GSDMC: variants seen among roughly 807,000 people sequenced by gnomAD.
GSDMC encodes the protein gasdermin C.
In GSDMC, 59 loss-of-function variants were observed where a neutral mutation model predicts 58.0. The ratio of observed to expected loss-of-function variants is 1.02; its 90% CI spans 0.82 to 1.26. The LOEUF (loss-of-function observed/expected upper bound fraction) is 1.26, where lower values mean the gene tolerates loss of function less well. Among genes scored for constraint, GSDMC ranks in the 50% most tolerant of loss-of-function variants. GSDMC has a pLI of 0.00. For missense variants in GSDMC, 659 were observed against 598.5 expected, an observed-to-expected ratio of 1.10 and a Z score of -1.06; for synonymous variants, 241 against 220.2, an observed-to-expected ratio of 1.09 and a Z score of -0.83.
At chr8:129,773,070 T>C (rs1433333321) in intron 3 of GSDMC, among the ~76,000 whole-genome samples, 1 of 152,238 alleles carries the variant, frequency 6.6e-6, no homozygotes, top group Non-Finnish European at 1.5e-5. Flanking sequence ...TCATCATCCT[T>C]TCATGATAAA....
chr8:129,751,943 T>G, intron 8 of GSDMC, 52 bp from the exon 9 acceptor site: 1 of 1,566,276 alleles, frequency 6.4e-7, no homozygotes, highest in Non-Finnish European at 8.8e-7. Flanking sequence ...ACTAGATTTC[T>G]CCAACCTTCT....
At chr8:129,772,865 T>C (rs1322053828) in intron 3 of GSDMC, among the ~76,000 whole-genome samples, 1 of 152,180 alleles carries the variant, frequency 6.6e-6, no homozygotes, top group African/African-American at 2.4e-5. Flanking sequence ...CACAAGTCCT[T>C]AACAAAATTT....
chr8:129,749,388 ATTC>A (rs1230208398), intron 13 of GSDMC, 61 bp downstream of exon 13: 1 of 1,164,468 alleles, frequency 8.6e-7, no homozygotes, highest in Non-Finnish European at 1.3e-6. Context: ...CCTCAGAATC[ATTC>A]TTCTTACCTC....
At chr8:129,727,049 C>T in the GSDMC span, among the ~76,000 whole-genome samples, 2 of 150,462 alleles carry the variant, frequency 1.3e-5, no homozygotes, top group East Asian at 4.0e-4. Context: ...CATTTACGCA[C>T]ATGGCCCCTG....
the GSDMC span, chr8:129,730,033 G>C: frequency 1.6e-6 from 2 of 1,276,748 alleles, no homozygotes; most frequent in Non-Finnish European, 2.2e-6. Context: ...AGGATGAGAA[G>C]GAAAAGGAGT....
chr8:129,749,941 T>C lies in GSDMC; in HGVS notation c.1213+49A>G, dbSNP rs565013391. The C allele has an allele frequency of 1.4e-4, 212 of 1,513,554 alleles. 1 individual carries two copies. The South Asian group carries it at 2.6e-3, about 19-fold the overall frequency. The allele number at this position is 1,513,554 out of a possible 1,614,324, so 93.8% of individuals were successfully genotyped here. On this transcript the variant is annotated intron_variant, in intron 12 of 13. Transcript: ENST00000276708. Reference sequence around the variant, plus strand: ...ATCTAACACAGCTTTTTGCGGGTCCTGGGGACCAATCTTGTGATTCTCCCA... The same window carrying C: ...ATCTAACACAGCTTTTTGCGGGTCCCGGGGACCAATCTTGTGATTCTCCCA...
chr8:129,776,350 C>T lies in GSDMC; in HGVS notation c.221-65G>A, dbSNP rs527747602. On this transcript the variant is annotated intron_variant, in intron 2 of 13. Coordinates refer to ENST00000276708, the MANE Select transcript of GSDMC (RefSeq NM_031415.3). ...TCATTCAAGAATTCAAAGGTTTAGC[C>T]AAGAACAGCTGGTGTGCAAAATGAA... 5.4e-6 allele frequency: 7 copies of T among 1,291,430 alleles called. No individual in the cohort carries two copies. In the East Asian group the frequency reaches 1.7e-4, roughly 32 times the overall value. 80.0% of individuals were successfully genotyped at this position (1,291,430 alleles called of 1,614,324 possible).
At chr8:129,768,686 G>GA (rs767115240) in intron 3 of GSDMC, among the ~76,000 whole-genome samples, 8 of 152,204 alleles carry the variant, frequency 5.3e-5, no homozygotes, top group African/African-American at 1.9e-4. Flanking sequence ...AATGCAGAGT[G>GA]AAAAGAGATA....
the GSDMC span, among the ~76,000 whole-genome samples, chr8:129,713,247 G>A: frequency 6.6e-6 from 1 of 152,170 alleles, no homozygotes; most frequent in Non-Finnish European, 1.5e-5. Context: ...CCCTACAACA[G>A]CAAAGCCATC....
chr8:129,706,580 G>A, the GSDMC span: 2 of 152,166 alleles, frequency 1.3e-5, no homozygotes, highest in African/African-American at 2.4e-5. Context: ...AATGGAGCCA[G>A]GCACTTAGCA....
chr8:129,752,221 C>T, intron 7 of GSDMC, 74 bp from the exon 8 acceptor site: 2 of 1,169,728 alleles, frequency 1.7e-6, no homozygotes, highest in East Asian at 2.4e-5. Flanking sequence ...ACTTCTTTCC[C>T]TCTTGGTCTC....
At chr8:129,714,084 G>C in the GSDMC span, among the ~76,000 whole-genome samples, 10 of 152,306 alleles carry the variant, frequency 6.6e-5, no homozygotes, top group East Asian at 1.9e-3. Flanking sequence ...GGATGCTGCA[G>C]ACAGGGAGTG....
rs1023788010 is a variant in GSDMC at position 129,750,436 on chromosome 8, T to A, written c.1078A>T (p.Asn360Tyr). The change falls in exon 11 of 14, where the codon AAC (asparagine) becomes TAC (tyrosine). Residue 360 changes from asparagine (N) to tyrosine (Y), a missense_variant. Coordinates refer to ENST00000276708, the MANE Select transcript of GSDMC (RefSeq NM_031415.3). ...GCAACTGTGGAGCCCCTCACCATGT[T>A]CATCAGGTCCTGTAGAGCCCCTCTG... ...RDRGALQDLM[N>Y]MLELDSSGHL... is the part of the protein sequence containing the mutation. 3.7e-6 allele frequency: 6 copies of A among 1,613,188 alleles called. No individual in the cohort carries two copies. The African/African-American group carries it at 8.0e-5, about 22-fold the overall frequency.
At chr8:129,760,988 G>T (rs1286290526) in intron 5 of GSDMC, among the ~76,000 whole-genome samples, 1 of 152,196 alleles carries the variant, frequency 6.6e-6, no homozygotes, top group Non-Finnish European at 1.5e-5. Flanking sequence ...TAGAGTGCAA[G>T]TGTTCAACAG....
chr8:129,733,419 C>G, the GSDMC span, among the ~76,000 whole-genome samples: 1 of 152,224 alleles, frequency 6.6e-6, no homozygotes, highest in East Asian at 1.9e-4. Context: ...TAGGGGCCAA[C>G]TAACACCTCA....
At chr8:129,723,855 C>T in the GSDMC span, among the ~76,000 whole-genome samples, 4 of 152,172 alleles carry the variant, frequency 2.6e-5, no homozygotes, top group Admixed American at 2.6e-4. Context: ...CAATTTTTAA[C>T]TAAGCTGAAA....
At chr8:129,781,749 CA>C (rs60219315) in intron 1 of GSDMC, among the ~76,000 whole-genome samples, 2,055 of 128,858 alleles carry the variant, frequency 0.016, 50 homozygotes, top group African/African-American at 0.051. Flanking sequence ...GACTCCATCT[CA>C]AAAAAAAAAA....
At chr8:129,751,238 G>A (rs1008127305) in intron 10 of GSDMC, among the ~76,000 whole-genome samples, 2 of 152,090 alleles carry the variant, frequency 1.3e-5, no homozygotes, top group Non-Finnish European at 2.9e-5. Flanking sequence ...GATGCTGGGG[G>A]CCCTCTGTCT....
Position 129,748,432 on chromosome 8 carries a change from A to G in GSDMC, c.*69T>C, listed in dbSNP as rs1427425801. The G allele has an allele frequency of 1.3e-6, 2 of 1,496,492 alleles. No homozygotes were observed. Among genetic ancestry groups the G allele is most frequent in the Non-Finnish European group, 9.0e-7 (1 of 1,115,334 alleles). The allele number at this position is 1,496,492 out of a possible 1,614,324, so 92.7% of individuals were successfully genotyped here. A position where few individuals can be genotyped will look rare whatever the true frequency, so the allele number is the denominator to read the frequency against. ...AGGCACAGCCCTATCTCTTGCACCC[A>G]TAAGGACACTCACAGCATAGACTGG... On this transcript the variant is annotated 3_prime_UTR_variant, in exon 14 of 14. Transcript: ENST00000276708.
Sources: gnomAD v4.1 joint callset for allele counts (sites outside exome capture counted in the v4.1 genomes callset) on GRCh38, gnomAD v4.1.1 for gene constraint, MANE v1.5 for transcripts, NCBI Gene and HGNC (gene_info 2026-07-23, HGNC 2026-07-21) for gene names.